Variants in SPATA6L observed in about 807,000 individuals in gnomAD.
The protein encoded by SPATA6L is spermatogenesis associated 6-like protein.
Under a neutral mutation model 49.2 loss-of-function variants are expected in SPATA6L, and 68 were observed. The ratio of observed to expected loss-of-function variants is 1.38; its 90% CI spans 1.14 to 1.69. SPATA6L has a LOEUF of 1.69. Among genes scored for constraint, SPATA6L ranks in the 40% most tolerant of loss-of-function variants. The probability of loss-of-function intolerance (pLI) is 0.00; values close to 1 mark genes in which losing one functional copy is unlikely to be tolerated. For missense variants in SPATA6L, 668 were observed against 464.3 expected (o/e 1.44, Z -4.03); for synonymous variants, 198 against 165.7 (o/e 1.19, Z -1.50).
In SPATA6L at chr9:4,625,480, C is replaced by A. The variant is rs200916358; in HGVS notation, c.516G>T (p.Glu172Asp). Residue 172 changes from glutamate (E) to aspartate (D), a missense_variant, in exon 6 of 12, where the codon GAG (glutamate) becomes GAT (aspartate). Transcript: ENST00000682582. Reference protein sequence around the residue: ...PLNTIKMKLKENNLNRLPKGM... With the variant: ...PLNTIKMKLKDNNLNRLPKGM... The stretch of plus-strand genomic sequence containing the variant: ...CTTTGGGCAGTCTGTTGAGATTATT[C>A]TCCTTTAGTTTCATCTTTATAGTAT... 1.1e-4 allele frequency: 183 copies of A among 1,613,850 alleles called. No homozygotes were observed. The highest frequency in any genetic ancestry group is 1.3e-4 in the Non-Finnish European group (156 of 1,179,970).
chr9:4,645,309 G>A (rs1835123088), intron 3 of SPATA6L, among the ~76,000 whole-genome samples: 1 of 152,124 alleles, frequency 6.6e-6, no homozygotes, highest in African/African-American at 2.4e-5. Context: ...AAGTAGAAAT[G>A]TCTTAGTCTA....
chr9:4,639,840 C>T (rs538774871), intron 3 of SPATA6L, among the ~76,000 whole-genome samples: 15 of 152,286 alleles, frequency 9.8e-5, no homozygotes, highest in African/African-American at 3.4e-4. Flanking sequence ...GAATTGACAG[C>T]GCGCTTCCAG....
chr9:4,640,225 C>T (rs1378245592), intron 3 of SPATA6L, among the ~76,000 whole-genome samples: 4 of 152,130 alleles, frequency 2.6e-5, no homozygotes, highest in African/African-American at 7.2e-5. Context: ...GATCACGCTG[C>T]CCCCCTGTGT....
downstream of SPATA6L, among the ~76,000 whole-genome samples, chr9:4,596,125 T>C (rs752152262): frequency 1.1e-4 from 16 of 152,316 alleles, no homozygotes; most frequent in Non-Finnish European, 1.8e-4. Context: ...ACTTGAAATA[T>C]CTCGTTTAAG....
At chr9:4,666,125 G>C in intron 1 of SPATA6L, 87 bp downstream of exon 1, 1 of 1,136,178 alleles carries the variant, frequency 8.8e-7, no homozygotes, top group Non-Finnish European at 1.3e-6. Context: ...GGTAAGTGGG[G>C]GATGTGGGGG....
At position 4,615,078 on chromosome 9, in the gene SPATA6L, C is replaced by A. The variant is rs548174145; in HGVS notation, c.995+2845G>T. ...CTGGAAGCTGACAGTGCCCCTGCCT[C>A]CCACCTGCCATCACTCACCTCTATG... On this transcript the variant is annotated intron_variant, in intron 9 of 11. Transcript: ENST00000682582. Among the ~76,000 whole-genome samples the A allele has an allele frequency of 9.2e-4, 140 of 152,226 alleles. No homozygotes were observed. In the South Asian group the frequency reaches 0.012, roughly 13 times the overall value.
At position 4,662,937 on chromosome 9, in the gene SPATA6L, C is replaced by G. The variant is rs531165522; in HGVS notation, c.40-901G>C. ...GGTGGCCTTGATCAAAGGGCTGGTC[C>G]GCAGGCGCCGCCCGGCCCACAACCA... On this transcript the variant is annotated intron_variant, in intron 1 of 11. Transcript: ENST00000682582. This position sits in a 1 kb window ranked among gnomAD's most constrained non-coding sequence, Gnocchi z 4.9. 6.2e-7 allele frequency: 1 copy of G among 1,611,284 alleles called. No homozygotes were observed. The highest frequency in any genetic ancestry group is 8.5e-7 in the Non-Finnish European group (1 of 1,179,922).
intron 3 of SPATA6L, among the ~76,000 whole-genome samples, chr9:4,648,504 C>A (rs1457023586): frequency 6.7e-6 from 1 of 149,144 alleles, no homozygotes; most frequent in African/African-American, 2.5e-5. Context: ...TCGAGACCAT[C>A]CTGGTCTAAC....
chr9:4,627,236 G>A (rs59211170), intron 5 of SPATA6L: 8,093 of 154,260 alleles, frequency 0.052, 730 homozygotes, highest in African/African-American at 0.18. Context: ...ACAGCATTAA[G>A]ATGGTAGAAT....
chr9:4,594,675 T>C (rs555228786), downstream of SPATA6L, among the ~76,000 whole-genome samples: 387 of 152,254 alleles, frequency 2.5e-3, 4 homozygotes, highest in African/African-American at 9.0e-3. Flanking sequence ...TGGGAGCCCC[T>C]GAGTGAACAG....
rs949724824 is a variant in SPATA6L, at chr9:4,611,530, C to G, written c.996-6090G>C. On this transcript the variant is annotated intron_variant, in intron 9 of 11. Transcript: ENST00000682582. ...GGATGAAATTGGAAATCACCATTCTCAGTAAACTATCGCAAGAACAAAAAA... is the reference window on the plus strand; with the variant it reads ...GGATGAAATTGGAAATCACCATTCTGAGTAAACTATCGCAAGAACAAAAAA... Among the ~76,000 whole-genome samples the G allele has an allele frequency of 6.0e-4, 89 of 149,136 alleles. 4 individuals are homozygous for G. Among genetic ancestry groups the G allele is most frequent in the African/African-American group, 2.3e-3 (88 of 38,730 alleles).
At chr9:4,664,669 C>G (rs1210037033) in intron 1 of SPATA6L, 3 of 167,080 alleles carry the variant, frequency 1.8e-5, no homozygotes, top group African/African-American at 7.2e-5. Flanking sequence ...CTCAGATAAT[C>G]TTAATGACTA....
In SPATA6L at chr9:4,630,489, C is replaced by T. The variant is rs138754862; in HGVS notation, c.352-1321G>A. 3.4e-3 allele frequency among the ~76,000 whole-genome samples: 514 copies of T among 152,256 alleles called. 1 individual carries two copies. The highest frequency in any genetic ancestry group is 0.015 in the South Asian group (72 of 4,818). ...TGCATCACCTCTCTGCTCTACTCTC[C>T]CCCAGAGAACACCACCTGGCCAAGT... is the stretch of plus-strand genomic sequence containing the variant. On this transcript the variant is annotated intron_variant, in intron 4 of 11. Coordinates refer to ENST00000682582, the MANE Select transcript of SPATA6L (RefSeq NM_001353486.2).
chr9:4,643,743 G>A (rs939035513), intron 3 of SPATA6L, among the ~76,000 whole-genome samples: 17 of 152,242 alleles, frequency 1.1e-4, no homozygotes, highest in Middle Eastern at 6.8e-3. Flanking sequence ...AGTGGCTCAC[G>A]TCTGTAACCC....
chr9:4,662,771 C>T lies in SPATA6L; in HGVS notation c.40-735G>A, dbSNP rs769449675. On this transcript the variant is annotated intron_variant, in intron 1 of 11. Transcript: ENST00000682582. The surrounding 1 kb of genome is among the most constrained non-coding windows in gnomAD (Gnocchi z 4.9). ...GCTCGTCGTGGGGCAGCGTGCGACC[C>T]CTTATGAAGCTGCTGGAGATCTCGG... 1 of 1,605,096 alleles carries T rather than the reference C, an allele frequency of 6.2e-7. No individual in the cohort carries two copies.
In SPATA6L at chr9:4,661,979, G is replaced by C. The variant is rs370244730; in HGVS notation, c.97C>G (p.Leu33Val). 4.2e-5 allele frequency: 68 copies of C among 1,614,090 alleles called. No homozygotes were observed. In the African/African-American group the frequency reaches 7.2e-4, roughly 17 times the overall value. ...GKQDVYLGVY[L>V]MNQYLETNSF... ...TTGGTCTCCAGGTACTGATTCATGAGGTAGACCCCGAGGTACACATCTTGT... is the reference window on the plus strand; with the variant it reads ...TTGGTCTCCAGGTACTGATTCATGACGTAGACCCCGAGGTACACATCTTGT... Residue 33 changes from leucine to valine, a missense_variant, in exon 2 of 12, where the codon CTC becomes GTC. Physicochemically the swap from Leu to Val is conservative, Grantham distance 32. Coordinates refer to ENST00000682582, the MANE Select transcript of SPATA6L (RefSeq NM_001353486.2).
At chr9:4,630,638 T>C (rs1831325967) in intron 4 of SPATA6L, among the ~76,000 whole-genome samples, 2 of 152,222 alleles carry the variant, frequency 1.3e-5, no homozygotes, top group Non-Finnish European at 2.9e-5. Context: ...CTCCAGTCTC[T>C]AATATTTCAT....
At chr9:4,648,714 T>TAACTAAATAAATAAATAAATAAA (rs60168646) in intron 3 of SPATA6L, among the ~76,000 whole-genome samples, 1 of 145,118 alleles carries the variant, frequency 6.9e-6, no homozygotes, top group African/African-American at 2.7e-5. Flanking sequence ...AATAAATAAA[T>TAACTAAATAAATAAATAAATAAA]TAAATAAATA....
chr9:4,663,103 C>T (rs1840263182), intron 1 of SPATA6L: 1 of 1,614,032 alleles, frequency 6.2e-7, no homozygotes, highest in South Asian at 1.1e-5. Flanking sequence ...GTTCTGTGGG[C>T]CTTCGTCTTG....
Sources: gnomAD v4.1 joint callset for allele counts (sites outside exome capture counted in the v4.1 genomes callset) on GRCh38, gnomAD v4.1.1 for gene constraint, Gnocchi (gnomAD v3.1) non-coding constraint, MANE v1.5 for transcripts, NCBI Gene and HGNC (gene_info 2026-07-23, HGNC 2026-07-21) for gene names.